Variants in SRP54 observed in about 807,000 individuals in gnomAD.
SRP54 encodes signal recognition particle subunit SRP54.
SRP54 carries 10 observed loss-of-function variants against 64.8 expected under a neutral mutation model. That is an observed-to-expected ratio of 0.15 (90% CI 0.10 to 0.26). The LOEUF (loss-of-function observed/expected upper bound fraction) is 0.26. SRP54 is among the 10% of genes least tolerant of loss of function. The pLI is 1.00. For missense variants in SRP54, 325 were observed against 613.7 expected, an observed-to-expected ratio of 0.53 and a Z score of 4.97; for synonymous variants, 193 against 185.6, an observed-to-expected ratio of 1.04 and a Z score of -0.32.
rs762140634 is a variant in SRP54 at position 35,011,503 on chromosome 14, A to G, written c.486-6A>G. The G allele has an allele frequency of 1.4e-6, 2 of 1,465,504 alleles. No individual in the cohort carries two copies. The highest frequency in any genetic ancestry group is 1.8e-6 in the Non-Finnish European group (2 of 1,094,626). 90.8% of individuals were successfully genotyped at this position (1,465,504 alleles called of 1,614,324 possible). A position where few individuals can be genotyped will look rare whatever the true frequency, so the allele number is the denominator to read the frequency against. ...TTTTGTTAAATCATTTGTCCATGTT[A>G]TATAGCTATACAGAAATGGATCCTG... On this transcript the variant is annotated splice_polypyrimidine_tract_variant and splice_region_variant and intron_variant, in intron 7 of 15. Coordinates refer to ENST00000216774, the MANE Select transcript of SRP54 (RefSeq NM_003136.4).
intron 4 of SRP54, among the ~76,000 whole-genome samples, chr14:35,002,997 T>C (rs1424042456): frequency 6.6e-6 from 1 of 152,076 alleles, no homozygotes; most frequent in Admixed American, 6.6e-5. Flanking sequence ...CCACCTGCCT[T>C]GGCCTCCCAA....
At chr14:35,018,489 T>C in intron 11 of SRP54, 1 of 507,528 alleles carries the variant, frequency 2.0e-6, no homozygotes, top group Non-Finnish European at 3.5e-6. Flanking sequence ...TAAGCTTCTC[T>C]ATGATAGGAC....
At chr14:35,025,109 G>A (rs1395757292) in intron 14 of SRP54, among the ~76,000 whole-genome samples, 6 of 152,040 alleles carry the variant, frequency 3.9e-5, no homozygotes, top group East Asian at 1.9e-4. Context: ...ATTATGTATC[G>A]TAAAAAGATA....
chr14:35,024,936 G>T (rs1299734143), intron 14 of SRP54, among the ~76,000 whole-genome samples: 1 of 151,972 alleles, frequency 6.6e-6, no homozygotes, highest in Non-Finnish European at 1.5e-5. Flanking sequence ...CATCTTTACT[G>T]GCCAGGCTGG....
chr14:34,999,233 T>G (rs2044133309), intron 2 of SRP54, among the ~76,000 whole-genome samples: 1 of 152,082 alleles, frequency 6.6e-6, no homozygotes, highest in Non-Finnish European at 1.5e-5. Flanking sequence ...CAGGCTGTTC[T>G]TGAACTCCTG....
intron 13 of SRP54, 161 bp downstream of exon 13, chr14:35,019,235 G>C: frequency 1.8e-6 from 1 of 554,342 alleles, no homozygotes; most frequent in South Asian, 2.1e-5. Flanking sequence ...AAAGGGTTAT[G>C]ATTATTGGAT....
chr14:34,985,601 G>A (rs2043882923), intron 1 of SRP54, among the ~76,000 whole-genome samples: 1 of 152,058 alleles, frequency 6.6e-6, no homozygotes, highest in South Asian at 2.1e-4. Flanking sequence ...TCCCTCCAAT[G>A]TATTTGTTAC....
In SRP54 at chr14:35,027,839, C is replaced by T. The variant is rs906562375; in HGVS notation, c.1328-249C>T. The T allele has an allele frequency of 2.6e-5, 7 of 267,260 alleles. No homozygotes were observed. In the South Asian group the frequency reaches 5.3e-4, roughly 20 times the overall value. The allele number at this position is 267,260 out of a possible 1,614,324, so 16.6% of individuals were successfully genotyped here. On this transcript the variant is annotated intron_variant, in intron 14 of 15. Transcript: ENST00000216774. ...ATATAAATAAAGTATTAGCATAAAT[C>T]GTAGCCTTAAAAAAGCCTTTTATAT...
At chr14:34,996,320 C>A (rs181976960) in intron 1 of SRP54, among the ~76,000 whole-genome samples, 13 of 152,074 alleles carry the variant, frequency 8.5e-5, no homozygotes, top group African/African-American at 3.1e-4. Context: ...CCTTTTTCTC[C>A]TCTTTTAATT....
chr14:35,008,545 A>G, intron 5 of SRP54, 82 bp from the exon 6 acceptor site: 1 of 935,314 alleles, frequency 1.1e-6, no homozygotes. Context: ...CCTTAGGTAA[A>G]TAATAAGGAA....
chr14:34,989,326 T>G (rs1275432720), intron 1 of SRP54, among the ~76,000 whole-genome samples: 1 of 152,052 alleles, frequency 6.6e-6, no homozygotes, highest in African/African-American at 2.4e-5. Flanking sequence ...ACCAACATGG[T>G]GAAACCCTGT....
At position 35,017,288 on chromosome 14, in the gene SRP54, C is replaced by T. The variant is rs566059616; in HGVS notation, c.974-1404C>T. The stretch of plus-strand genomic sequence containing the variant: ...AGTCTCTACATTTTTGTTTCTATTT[C>T]TAATATTCTACTCATTCTGAGATCT... On this transcript the variant is annotated intron_variant, in intron 11 of 15. Coordinates refer to ENST00000216774, the MANE Select transcript of SRP54 (RefSeq NM_003136.4). 9.1e-4 allele frequency among the ~76,000 whole-genome samples: 138 copies of T among 152,262 alleles called. 2 individuals are homozygous for T. The South Asian group carries it at 0.028, about 30-fold the overall frequency.
At chr14:34,985,801 C>T (rs1288805886) in intron 1 of SRP54, among the ~76,000 whole-genome samples, 1 of 152,134 alleles carries the variant, frequency 6.6e-6, no homozygotes, top group Non-Finnish European at 1.5e-5. Flanking sequence ...GAAGCTACTC[C>T]CCCTAAAACT....
Position 35,019,070 on chromosome 14 carries a change from T to C in SRP54, c.1152T>C (p.Asp384=), listed in dbSNP as rs763596879. Residue 384 remains aspartate (D), a synonymous_variant, in exon 13 of 16, where the codon GAT becomes GAC. Coordinates refer to ENST00000216774, the MANE Select transcript of SRP54 (RefSeq NM_003136.4). ...KLMTIMDSMN[D]QELDSTDGAK... ...TGACAATAATGGATAGTATGAATGA[T>C]CAAGGTAAGATGGCAGATTATTTTC... The C allele has an allele frequency of 1.4e-5, 23 of 1,607,224 alleles. No individual in the cohort carries two copies. The highest frequency in any genetic ancestry group is 2.0e-5 in the Non-Finnish European group (23 of 1,174,202).
chr14:35,014,947 T>C (rs1215263446), intron 11 of SRP54, 117 bp downstream of exon 11: 1 of 647,650 alleles, frequency 1.5e-6, no homozygotes, highest in African/African-American at 1.9e-5. Context: ...TTCCACTGCT[T>C]ATTATTTTAG....
intron 13 of SRP54, 85 bp from the exon 14 acceptor site, chr14:35,022,825 T>C (rs1256588132): frequency 8.9e-7 from 1 of 1,119,706 alleles, no homozygotes; most frequent in Non-Finnish European, 1.2e-6. Flanking sequence ...GCTAAGCTCT[T>C]TGAAGTTATA....
At chr14:34,988,460 G>C (rs938154840) in intron 1 of SRP54, among the ~76,000 whole-genome samples, 4 of 148,296 alleles carry the variant, frequency 2.7e-5, no homozygotes, top group African/African-American at 9.9e-5. Context: ...TACTCAGAAA[G>C]CTGAGGCAGG....
Position 34,999,737 on chromosome 14 carries a change from G to A in SRP54, c.170+88G>A, listed in dbSNP as rs187187760. On this transcript the variant is annotated intron_variant, in intron 3 of 15. Coordinates refer to ENST00000216774, the MANE Select transcript of SRP54 (RefSeq NM_003136.4). ...CTAACTGGAAGTGTTTGCTGTATCA[G>A]GAATCATTTCTGCTCTGCACCACTG... is the stretch of plus-strand genomic sequence containing the variant. 17 of 966,808 alleles carry A rather than the reference G, an allele frequency of 1.8e-5. No individual in the cohort carries two copies. The East Asian group carries it at 2.9e-4, about 17-fold the overall frequency. The allele number at this position is 966,808 out of a possible 1,614,324, so 59.9% of individuals were successfully genotyped here.
At chr14:35,014,454 A>G (rs569267810) in intron 10 of SRP54, among the ~76,000 whole-genome samples, 1 of 151,132 alleles carries the variant, frequency 6.6e-6, no homozygotes, top group Admixed American at 6.6e-5. Context: ...ATTTTTTTTT[A>G]TTTTTAGTAG....
Sources: allele counts gnomAD v4.1 joint callset (sites outside exome capture counted in the v4.1 genomes callset), GRCh38; gene constraint gnomAD v4.1.1; transcripts MANE v1.5; gene names NCBI Gene and HGNC (gene_info 2026-07-23, HGNC 2026-07-21).